Variants in MRAP2 observed in about 807,000 individuals in gnomAD.
MRAP2 encodes melanocortin 2 receptor accessory protein 2, also known as melanocortin-2 receptor accessory protein 2.
MRAP2 carries 20 observed loss-of-function variants against 17.4 expected under a neutral mutation model. That is an observed-to-expected ratio of 1.15 (90% confidence interval 0.81 to 1.67). The LOEUF is 1.67. Among genes scored for constraint, MRAP2 ranks in the 40% most tolerant of loss-of-function variants. MRAP2 has a pLI of 0.00. For synonymous variants in MRAP2, 96 were observed against 88.4 expected (o/e 1.09, Z -0.48); for missense variants, 238 against 240.0 (o/e 0.99, Z 0.05).
chr6:84,122,908 A>G, the MRAP2 span, among the ~76,000 whole-genome samples: 1 of 151,974 alleles, frequency 6.6e-6, no homozygotes. Context: ...AATATACAAA[A>G]CCCAGTGGAA....
the MRAP2 span, chr6:84,124,862 G>C: frequency 1.8e-6 from 1 of 563,568 alleles, no homozygotes; most frequent in African/African-American, 1.9e-5. Context: ...CACTTAAAAT[G>C]AGACTGGTTA....
At chr6:84,108,270 G>A in the MRAP2 span, among the ~76,000 whole-genome samples, 5 of 152,050 alleles carry the variant, frequency 3.3e-5, no homozygotes, top group Admixed American at 2.6e-4. Flanking sequence ...TGCCACATTG[G>A]TTGAACTCAT....
At chr6:84,037,703 C>T (rs1321944908) in intron 1 of MRAP2, among the ~76,000 whole-genome samples, 7 of 152,160 alleles carry the variant, frequency 4.6e-5, no homozygotes, top group Admixed American at 2.6e-4. Context: ...ACCTGGCGCC[C>T]CCTCTGCAGC....
At chr6:84,064,736 C>T (rs1336717918) in intron 3 of MRAP2, among the ~76,000 whole-genome samples, 1 of 152,156 alleles carries the variant, frequency 6.6e-6, no homozygotes, top group East Asian at 1.9e-4. Flanking sequence ...ATCCGCCCGC[C>T]TTGGCCTCCC....
At chr6:84,097,840 A>G in the MRAP2 span, among the ~76,000 whole-genome samples, 7 of 152,228 alleles carry the variant, frequency 4.6e-5, no homozygotes, top group Non-Finnish European at 1.0e-4. Flanking sequence ...ATGGGAAATT[A>G]TCTTCCATGA....
the MRAP2 span, among the ~76,000 whole-genome samples, chr6:84,130,766 G>A: frequency 5.3e-5 from 8 of 151,432 alleles, 1 homozygote; most frequent in African/African-American, 1.9e-4. Context: ...TTATTAATTT[G>A]GCTAGTGGTC....
chr6:84,039,942 G>A (rs2099487082), intron 1 of MRAP2, among the ~76,000 whole-genome samples: 1 of 151,870 alleles, frequency 6.6e-6, no homozygotes. Flanking sequence ...CTTCTGTGGG[G>A]AAAAAAAGAA....
the MRAP2 span, among the ~76,000 whole-genome samples, chr6:84,134,084 C>T: frequency 1.1e-3 from 167 of 152,308 alleles, 1 homozygote; most frequent in African/African-American, 3.6e-3. Context: ...AGAGGCATTC[C>T]GGCTATGGCG....
rs369989672 is a variant in MRAP2, at chr6:84,033,855, C to G, written c.-36C>G. 15 of 986,866 alleles carry G rather than the reference C, an allele frequency of 1.5e-5. No individual in the cohort carries two copies. Among genetic ancestry groups the G allele is most frequent in the African/African-American group, 7.0e-5 (4 of 57,208 alleles). 61.1% of individuals were successfully genotyped at this position (986,866 alleles called of 1,614,324 possible). The stretch of plus-strand genomic sequence containing the variant: ...AGGAGCCAGGAGCCGGAACCAGGGC[C>G]GAGCCCGCGGGCCGGGGCTAGCCAG... On this transcript the variant is annotated 5_prime_UTR_variant, in exon 1 of 4. Transcript: ENST00000257776.
chr6:84,140,504 T>TA, the MRAP2 span, among the ~76,000 whole-genome samples: 2 of 152,000 alleles, frequency 1.3e-5, no homozygotes, highest in Admixed American at 6.5e-5. Flanking sequence ...CAACCATGGT[T>TA]AAGCTACAAA....
the MRAP2 span, among the ~76,000 whole-genome samples, chr6:84,114,000 G>A: frequency 6.0e-4 from 91 of 152,286 alleles, no homozygotes; most frequent in Non-Finnish European, 9.7e-4. Flanking sequence ...CTCTCTTGCT[G>A]CCTTTAACAT....
intron 1 of MRAP2, among the ~76,000 whole-genome samples, chr6:84,035,794 C>T (rs186702198): frequency 1.3e-5 from 2 of 152,316 alleles, no homozygotes; most frequent in African/African-American, 4.8e-5. Context: ...TCGCTTCCTC[C>T]TCCCCATTTC....
chr6:84,070,544 A>G (rs1250137816), intron 3 of MRAP2, among the ~76,000 whole-genome samples: 1 of 152,122 alleles, frequency 6.6e-6, no homozygotes, highest in Non-Finnish European at 1.5e-5. Context: ...AGTTCCATCC[A>G]CTGTTGAATA....
At chr6:84,114,386 G>A in the MRAP2 span, among the ~76,000 whole-genome samples, 1 of 151,896 alleles carries the variant, frequency 6.6e-6, no homozygotes, top group Admixed American at 6.6e-5. Flanking sequence ...TGATATTTGT[G>A]TATGCTTCAC....
chr6:84,050,380 C>T (rs1055460088), intron 1 of MRAP2, among the ~76,000 whole-genome samples: 14 of 152,140 alleles, frequency 9.2e-5, no homozygotes, highest in African/African-American at 3.1e-4. Context: ...TGCTGGGAGG[C>T]ATTGCCTTAT....
chr6:84,102,877 T>G, the MRAP2 span, among the ~76,000 whole-genome samples: 13 of 152,086 alleles, frequency 8.5e-5, no homozygotes, highest in Non-Finnish European at 1.6e-4. Flanking sequence ...TACCTGTCAA[T>G]GCTGTTGTAG....
the MRAP2 span, among the ~76,000 whole-genome samples, chr6:84,103,173 A>G: frequency 6.6e-6 from 1 of 152,304 alleles, no homozygotes; most frequent in Admixed American, 6.5e-5. Flanking sequence ...CAGAAATTGG[A>G]AACAGATGTT....
At chr6:84,034,987 G>A (rs923895422) in intron 1 of MRAP2, among the ~76,000 whole-genome samples, 2 of 152,108 alleles carry the variant, frequency 1.3e-5, no homozygotes, top group African/African-American at 4.8e-5. Flanking sequence ...GCAAGGATAA[G>A]GTCAGGAAAG....
intron 3 of MRAP2, 149 bp from the exon 4 acceptor site, chr6:84,088,942 C>T (rs1269037461): frequency 4.8e-6 from 4 of 829,286 alleles, no homozygotes; most frequent in Admixed American, 2.9e-5. Flanking sequence ...TCTCTTATTT[C>T]TCATGTTTGT....
Sources: gnomAD v4.1 joint callset for allele counts (sites outside exome capture counted in the v4.1 genomes callset) on GRCh38, gnomAD v4.1.1 for gene constraint, MANE v1.5 for transcripts, NCBI Gene and HGNC (gene_info 2026-07-23, HGNC 2026-07-21) for gene names.